Variants in RAD51B observed in about 807,000 individuals in gnomAD.
RAD51B encodes DNA repair protein RAD51 homolog 2.
RAD51B carries 38 observed loss-of-function variants against 42.2 expected under a neutral mutation model. The observed-to-expected ratio is 0.90, with a 90% CI of 0.70 to 1.18. The LOEUF (loss-of-function observed/expected upper bound fraction) is 1.18. RAD51B is among the 50% of genes most tolerant of loss of function. The pLI, the probability that RAD51B is intolerant of heterozygous loss-of-function variation, is 0.00. For missense variants in RAD51B, 373 were observed against 400.7 expected, an observed-to-expected ratio of 0.93 and a Z score of 0.59; for synonymous variants, 154 against 145.2, an observed-to-expected ratio of 1.06 and a Z score of -0.43.
At chr14:68,674,582 T>C (rs1201794068) in intron 11 of RAD51B, among the ~76,000 whole-genome samples, 4 of 152,206 alleles carry the variant, frequency 2.6e-5, no homozygotes, top group African/African-American at 9.7e-5. Context: ...ATACTGGTTG[T>C]AGAAAGTCAG....
chr14:68,524,439 C>T (rs775337254), intron 10 of RAD51B, among the ~76,000 whole-genome samples: 6 of 152,102 alleles, frequency 3.9e-5, no homozygotes, highest in African/African-American at 1.2e-4. Flanking sequence ...ACACTCCTGA[C>T]GGGTTGGTTC....
chr14:68,255,784 G>A (rs553877339), intron 7 of RAD51B, among the ~76,000 whole-genome samples: 4 of 152,232 alleles, frequency 2.6e-5, no homozygotes, highest in South Asian at 4.2e-4. Context: ...CCTTCTTAAA[G>A]TAATTTCTAT....
At chr14:68,470,596 A>G (rs1182235516) in intron 10 of RAD51B, 7 of 508,164 alleles carry the variant, frequency 1.4e-5, no homozygotes, top group Admixed American at 2.3e-5. Context: ...TCATGAAGTG[A>G]AATTGATGAA....
intron 8 of RAD51B, among the ~76,000 whole-genome samples, chr14:68,308,824 G>C (rs568171278): frequency 8.6e-5 from 13 of 151,828 alleles, no homozygotes; most frequent in South Asian, 4.2e-4. Context: ...TCCTCAGCCT[G>C]AACAATGGAG....
At chr14:68,093,864 G>C (rs998685499) in intron 7 of RAD51B, among the ~76,000 whole-genome samples, 4 of 152,156 alleles carry the variant, frequency 2.6e-5, no homozygotes, top group African/African-American at 9.7e-5. Flanking sequence ...GGTATGTACT[G>C]AGGGGTAGGA....
chr14:68,216,839 G>T lies in RAD51B; in HGVS notation c.757-75045G>T, dbSNP rs566323310. Among the ~76,000 whole-genome samples, 4 of 152,254 alleles carry T rather than the reference G, an allele frequency of 2.6e-5. No individual in the cohort carries two copies. The East Asian group carries it at 7.7e-4, about 29-fold the overall frequency. On this transcript the variant is annotated intron_variant, in intron 7 of 10. Transcript: ENST00000471583. ...CCTCCATCAACAGGGGTCAAGAGGAGCCTGGACAGTAATCCCTGTCCGACC... is the reference window on the plus strand; with the variant it reads ...CCTCCATCAACAGGGGTCAAGAGGATCCTGGACAGTAATCCCTGTCCGACC...
chr14:68,331,187 C>G (rs975007747), intron 8 of RAD51B, among the ~76,000 whole-genome samples: 2 of 151,380 alleles, frequency 1.3e-5, no homozygotes, highest in African/African-American at 4.9e-5. Flanking sequence ...CAGGGTGAAA[C>G]CCCGTCTCTA....
intron 7 of RAD51B, among the ~76,000 whole-genome samples, chr14:68,158,726 G>A (rs1459213901): frequency 6.6e-6 from 1 of 152,136 alleles, no homozygotes; most frequent in Non-Finnish European, 1.5e-5. Flanking sequence ...CAGAAAACCT[G>A]GATTTATTTT....
At chr14:68,647,120 A>G (rs1225657359) in intron 10 of RAD51B, among the ~76,000 whole-genome samples, 1 of 152,238 alleles carries the variant, frequency 6.6e-6, no homozygotes. Context: ...AAAGAACTTC[A>G]TTTATTCATC....
chr14:68,497,647 C>T, intron 10 of RAD51B: 9 of 586,458 alleles, frequency 1.5e-5, no homozygotes, highest in Non-Finnish European at 2.0e-5. Flanking sequence ...TTCATCACCC[C>T]AAAAGCAAGA....
rs551484506 is a variant in RAD51B, at chr14:68,157,944, G to C, written c.757-133940G>C. On this transcript the variant is annotated intron_variant, in intron 7 of 10. Transcript: ENST00000471583. Reference sequence around the variant, plus strand: ...TTCATCTGAGTGTTTAGGAAGCTGTGATCTCTGCTGTGATAATCCTAGAAG... The same window carrying C: ...TTCATCTGAGTGTTTAGGAAGCTGTCATCTCTGCTGTGATAATCCTAGAAG... 7.2e-4 allele frequency among the ~76,000 whole-genome samples: 109 copies of C among 152,290 alleles called. 1 individual carries two copies. The highest frequency in any genetic ancestry group is 1.7e-3 in the South Asian group (8 of 4,816).
At chr14:68,064,203 A>G (rs937358226) in intron 7 of RAD51B, among the ~76,000 whole-genome samples, 7 of 152,116 alleles carry the variant, frequency 4.6e-5, no homozygotes, top group African/African-American at 1.4e-4. Context: ...CCTTATTTCT[A>G]TAGAATAGCT....
At chr14:68,528,182 GT>G (rs996691383) in intron 10 of RAD51B, among the ~76,000 whole-genome samples, 1 of 152,072 alleles carries the variant, frequency 6.6e-6, no homozygotes, top group African/African-American at 2.4e-5. Flanking sequence ...TCCCTGCATG[GT>G]TTCTAGCCCA....
At chr14:67,905,872 C>T (rs1272048250) in intron 7 of RAD51B, among the ~76,000 whole-genome samples, 1 of 152,042 alleles carries the variant, frequency 6.6e-6, no homozygotes, top group Non-Finnish European at 1.5e-5. Context: ...GAGATTTCCT[C>T]TCTTCCTGTC....
At chr14:68,363,699 C>T (rs778262771) in intron 8 of RAD51B, among the ~76,000 whole-genome samples, 2 of 152,210 alleles carry the variant, frequency 1.3e-5, no homozygotes, top group Non-Finnish European at 2.9e-5. Flanking sequence ...AAAATGCATA[C>T]ATGCGATGCT....
At chr14:68,228,106 G>A (rs191466899) in intron 7 of RAD51B, among the ~76,000 whole-genome samples, 422 of 152,194 alleles carry the variant, frequency 2.8e-3, no homozygotes, top group African/African-American at 8.9e-3. Flanking sequence ...AATTGTCCAA[G>A]ATTACAAGCT....
intron 7 of RAD51B, among the ~76,000 whole-genome samples, chr14:68,255,320 CA>C (rs2139517631): frequency 6.6e-6 from 1 of 152,266 alleles, no homozygotes; most frequent in East Asian, 1.9e-4. Context: ...CAAGATTTGT[CA>C]AAGATAAACA....
At chr14:68,125,468 C>T (rs1479752536) in intron 7 of RAD51B, 3 of 152,174 alleles carry the variant, frequency 2.0e-5, no homozygotes, top group Admixed American at 6.6e-5. Context: ...ATTCTCAGTG[C>T]CCTGTGTTCA....
At chr14:68,104,141 G>A (rs781542220) in intron 7 of RAD51B, among the ~76,000 whole-genome samples, 4 of 152,126 alleles carry the variant, frequency 2.6e-5, no homozygotes, top group Non-Finnish European at 5.9e-5. Context: ...ATTTTTATTT[G>A]GCATTTTTAC....
Sources: gnomAD v4.1 joint callset for allele counts (sites outside exome capture counted in the v4.1 genomes callset) on GRCh38, gnomAD v4.1.1 for gene constraint, MANE v1.5 for transcripts, NCBI Gene and HGNC (gene_info 2026-07-23, HGNC 2026-07-21) for gene names.